Variants in CNTN6 observed in about 807,000 individuals in gnomAD.
CNTN6 encodes contactin 6.
Under a neutral mutation model 122.8 loss-of-function variants are expected in CNTN6, and 137 were observed. The observed-to-expected ratio is 1.12, with a 90% CI of 0.97 to 1.29. CNTN6 has a LOEUF of 1.29. Ranked by LOEUF, CNTN6 falls within the 50% of genes most tolerant of loss-of-function variation. CNTN6 has a pLI of 0.00. For synonymous variants in CNTN6, 570 were observed against 426.0 expected, an observed-to-expected ratio of 1.34 and a Z score of -4.16; for missense variants, 1,634 against 1,223.4, an observed-to-expected ratio of 1.34 and a Z score of -5.01.
intron 1 of CNTN6, among the ~76,000 whole-genome samples, chr3:1,136,778 T>C (rs1274213769): frequency 6.6e-6 from 1 of 152,172 alleles, no homozygotes; most frequent in East Asian, 1.9e-4. Flanking sequence ...ATGAAAAACA[T>C]GGACTCAGGA....
chr3:1,367,475 G>T (rs1017529451), intron 12 of CNTN6, among the ~76,000 whole-genome samples: 1 of 151,858 alleles, frequency 6.6e-6, no homozygotes, highest in Non-Finnish European at 1.5e-5. Flanking sequence ...GAAATATTCT[G>T]CTGTGACTGT....
At chr3:1,190,555 G>C (rs1280239249) in intron 2 of CNTN6, among the ~76,000 whole-genome samples, 1 of 152,148 alleles carries the variant, frequency 6.6e-6, no homozygotes. Flanking sequence ...ATCAAATGCA[G>C]TGACTGTTTA....
chr3:1,138,490 A>T (rs563131937), intron 1 of CNTN6, among the ~76,000 whole-genome samples: 10 of 152,078 alleles, frequency 6.6e-5, no homozygotes, highest in Admixed American at 5.9e-4. Flanking sequence ...ATCTTTATTT[A>T]TTTACTGTTT....
intron 5 of CNTN6, among the ~76,000 whole-genome samples, chr3:1,289,819 T>TCC (rs1694993922): frequency 6.6e-6 from 1 of 151,778 alleles, no homozygotes; most frequent in African/African-American, 2.4e-5. Flanking sequence ...GGACTACAGG[T>TCC]GCCCAACACC....
intron 2 of CNTN6, among the ~76,000 whole-genome samples, chr3:1,176,599 T>G (rs995743493): frequency 3.3e-5 from 5 of 152,178 alleles, no homozygotes; most frequent in African/African-American, 1.2e-4. Flanking sequence ...AGGGAAAAAT[T>G]TATAACTCTT....
At chr3:1,143,339 A>G (rs1409499958) in intron 1 of CNTN6, among the ~76,000 whole-genome samples, 1 of 152,124 alleles carries the variant, frequency 6.6e-6, no homozygotes, top group Non-Finnish European at 1.5e-5. Context: ...CAAGATACTC[A>G]CTGCTCTGGG....
At chr3:1,142,758 A>T (rs994092628) in intron 1 of CNTN6, among the ~76,000 whole-genome samples, 41 of 152,078 alleles carry the variant, frequency 2.7e-4, no homozygotes, top group African/African-American at 9.9e-4. Flanking sequence ...ATTTACCAAA[A>T]AAAGGCAAAG....
intron 2 of CNTN6, among the ~76,000 whole-genome samples, chr3:1,170,236 C>CAAAAAAAAAAAAAAAAAAAAAAAAAAAAA (rs10525769): frequency 9.3e-6 from 1 of 107,456 alleles, no homozygotes; most frequent in Non-Finnish European, 1.9e-5. Context: ...GGCTCCATCT[C>CAAAAAAAAAAAAAAAAAAAAAAAAAAAAA]AAAAAAAAAA....
At chr3:1,388,008 C>CTTGA (rs1693360550) in intron 20 of CNTN6, among the ~76,000 whole-genome samples, 5 of 152,174 alleles carry the variant, frequency 3.3e-5, no homozygotes, top group Admixed American at 3.3e-4. Context: ...ATTGGCCAGG[C>CTTGA]TTGATTAGGT....
intron 1 of CNTN6, among the ~76,000 whole-genome samples, chr3:1,133,595 T>C (rs1358770900): frequency 2.0e-5 from 3 of 152,180 alleles, no homozygotes; most frequent in Non-Finnish European, 4.4e-5. Context: ...GACTCAGCTG[T>C]GACTGCCCCC....
chr3:1,311,081 G>C (rs2125924276), intron 7 of CNTN6, among the ~76,000 whole-genome samples: 1 of 150,538 alleles, frequency 6.6e-6, no homozygotes, highest in Non-Finnish European at 1.5e-5. Flanking sequence ...TACTTCCTTT[G>C]CTTAAAGCAA....
At chr3:1,108,400 T>A (rs2091327283) in intron 1 of CNTN6, among the ~76,000 whole-genome samples, 1 of 152,044 alleles carries the variant, frequency 6.6e-6, no homozygotes, top group African/African-American at 2.4e-5. Flanking sequence ...CTATATGGTA[T>A]TTTTAATAAT....
chr3:1,212,688 T>C (rs929664593), intron 2 of CNTN6, among the ~76,000 whole-genome samples: 4 of 150,534 alleles, frequency 2.7e-5, no homozygotes, highest in African/African-American at 4.9e-5. Flanking sequence ...AAATGCATTT[T>C]GATTTCTTGT....
chr3:1,108,053 A>C (rs2091308367), intron 1 of CNTN6, among the ~76,000 whole-genome samples: 1 of 152,076 alleles, frequency 6.6e-6, no homozygotes, highest in Non-Finnish European at 1.5e-5. Context: ...AGACATAGAT[A>C]GCTCCCAGCA....
At chr3:1,148,650 A>C (rs770801197) in intron 2 of CNTN6, among the ~76,000 whole-genome samples, 1 of 152,186 alleles carries the variant, frequency 6.6e-6, no homozygotes, top group Non-Finnish European at 1.5e-5. Context: ...TCTGTGTATC[A>C]GTTAACTTTT....
intron 1 of CNTN6, among the ~76,000 whole-genome samples, chr3:1,120,503 T>C (rs1340551616): frequency 6.6e-6 from 1 of 151,992 alleles, no homozygotes; most frequent in African/African-American, 2.4e-5. Flanking sequence ...GTAAAGTGTT[T>C]ATGAAAATAT....
chr3:1,318,575 A>G (rs1016301523), intron 7 of CNTN6, among the ~76,000 whole-genome samples: 1 of 151,780 alleles, frequency 6.6e-6, no homozygotes, highest in Non-Finnish European at 1.5e-5. Flanking sequence ...AAAGGAAAAG[A>G]GGGAAGTGGG....
chr3:1,108,164 G>C (rs891485492), intron 1 of CNTN6, among the ~76,000 whole-genome samples: 5 of 151,938 alleles, frequency 3.3e-5, no homozygotes, highest in Admixed American at 3.3e-4. Context: ...TTGGGTAGTA[G>C]AATAAAATAT....
At chr3:1,256,497 AAGAGTTCAATTTC>A (rs1316913845) in intron 4 of CNTN6, among the ~76,000 whole-genome samples, 3 of 152,162 alleles carry the variant, frequency 2.0e-5, no homozygotes, top group Non-Finnish European at 4.4e-5. Flanking sequence ...ATAAAGAATT[AAGAGTTCAATTTC>A]AGAGATGTCC....
Sources: allele counts gnomAD v4.1 joint callset (sites outside exome capture counted in the v4.1 genomes callset), GRCh38; gene constraint gnomAD v4.1.1; transcripts MANE v1.5; gene names NCBI Gene and HGNC (gene_info 2026-07-23, HGNC 2026-07-21).